Variants in TPH2 observed in about 807,000 individuals in gnomAD.
The protein encoded by TPH2 is tryptophan 5-hydroxylase 2.
Under a neutral mutation model 59.1 loss-of-function variants are expected in TPH2, and 27 were observed. The ratio of observed to expected loss-of-function variants is 0.46; its 90% CI spans 0.34 to 0.63. The LOEUF is 0.63. Ranked by LOEUF, TPH2 falls within the 30% of genes least tolerant of loss-of-function variation. The pLI is 0.01. For synonymous variants in TPH2, 220 were observed against 210.5 expected, an observed-to-expected ratio of 1.05 and a Z score of -0.39; for missense variants, 523 against 588.3, an observed-to-expected ratio of 0.89 and a Z score of 1.15.
chr12:72,021,395 G>A (rs371490197), intron 8 of TPH2, among the ~76,000 whole-genome samples: 7 of 120,366 alleles, frequency 5.8e-5, no homozygotes, highest in Admixed American at 2.5e-4. Flanking sequence ...GTGTGTGTGT[G>A]TATGTGTGTA....
chr12:72,028,944 T>C (rs1873643730), intron 9 of TPH2, among the ~76,000 whole-genome samples: 1 of 152,242 alleles, frequency 6.6e-6, no homozygotes, highest in African/African-American at 2.4e-5. Context: ...GAGTGCCGTA[T>C]GCTCTGGGCC....
intron 7 of TPH2, among the ~76,000 whole-genome samples, chr12:71,993,976 A>G (rs1055254630): frequency 1.3e-5 from 2 of 152,202 alleles, no homozygotes; most frequent in African/African-American, 2.4e-5. Context: ...GCAGCCACAG[A>G]TAATACACAA....
chr12:71,991,085 G>A (rs1450002741), intron 7 of TPH2, among the ~76,000 whole-genome samples: 1 of 152,170 alleles, frequency 6.6e-6, no homozygotes, highest in Non-Finnish European at 1.5e-5. Context: ...AAGTTGGCTA[G>A]TGAGTTACAG....
chr12:71,941,348 C>A (rs1871058741), intron 1 of TPH2, among the ~76,000 whole-genome samples: 1 of 151,938 alleles, frequency 6.6e-6, no homozygotes, highest in Non-Finnish European at 1.5e-5. Context: ...AAATCTGATC[C>A]CCTTTTAATT....
At chr12:71,951,097 C>A (rs1871332840) in intron 5 of TPH2, among the ~76,000 whole-genome samples, 1 of 152,286 alleles carries the variant, frequency 6.6e-6, no homozygotes, top group East Asian at 1.9e-4. Flanking sequence ...CCACACCTTG[C>A]AATGTCAGCA....
chr12:72,017,727 A>G (rs984834387), intron 8 of TPH2, among the ~76,000 whole-genome samples: 1 of 152,220 alleles, frequency 6.6e-6, no homozygotes, highest in Non-Finnish European at 1.5e-5. Flanking sequence ...GGAATATATT[A>G]TAGATCCACA....
chr12:71,981,234 TG>T (rs1872268532), intron 7 of TPH2, among the ~76,000 whole-genome samples: 2 of 152,336 alleles, frequency 1.3e-5, no homozygotes, highest in Non-Finnish European at 2.9e-5. Context: ...GTGCAAGGCT[TG>T]TTAGACCAGA....
intron 8 of TPH2, among the ~76,000 whole-genome samples, chr12:71,996,026 T>C (rs1301191174): frequency 3.3e-5 from 5 of 152,258 alleles, no homozygotes; most frequent in Non-Finnish European, 5.9e-5. Flanking sequence ...TATTATATCA[T>C]AATTTCTATG....
intron 5 of TPH2, among the ~76,000 whole-genome samples, chr12:71,969,958 T>TA (rs560647991): frequency 2.0e-5 from 3 of 152,176 alleles, no homozygotes; most frequent in Non-Finnish European, 4.4e-5. Context: ...CCAATTCATA[T>TA]AAAAACACTT....
Position 72,030,721 on chromosome 12 carries a change from A to T in TPH2, c.1165-537A>T, listed in dbSNP as rs552759660. On this transcript the variant is annotated intron_variant, in intron 9 of 10. Coordinates refer to ENST00000333850, the MANE Select transcript of TPH2 (RefSeq NM_173353.4). ...AAATGAATGCTTTTTAAGTATCCTC[A>T]AATATACAGGCCCACTCCAGACTCT... Among the ~76,000 whole-genome samples the T allele has an allele frequency of 3.8e-4, 58 of 152,236 alleles. 1 individual carries two copies. Among genetic ancestry groups the T allele is most frequent in the African/African-American group, 1.2e-3 (51 of 41,556 alleles).
intron 8 of TPH2, among the ~76,000 whole-genome samples, chr12:72,007,858 G>T (rs955016718): frequency 6.6e-6 from 1 of 151,932 alleles, no homozygotes; most frequent in Non-Finnish European, 1.5e-5. Flanking sequence ...ATTGGATTTT[G>T]CTTCTTTGGA....
Position 71,944,580 on chromosome 12 carries a change from C to T in TPH2, c.440-6C>T. The T allele has an allele frequency of 6.2e-7, 1 of 1,613,722 alleles. No individual in the cohort carries two copies. Among genetic ancestry groups the T allele is most frequent in the Non-Finnish European group, 8.5e-7 (1 of 1,179,680 alleles). On this transcript the variant is annotated splice_polypyrimidine_tract_variant and splice_region_variant and intron_variant, in intron 3 of 10. Coordinates refer to ENST00000333850, the MANE Select transcript of TPH2 (RefSeq NM_173353.4). ...AATATTTTTGAACCTGCACTGTTTT[C>T]AACAGAGCTAGAGGATGTGCCCTGG...
intron 5 of TPH2, among the ~76,000 whole-genome samples, chr12:71,959,011 A>G (rs918737358): frequency 1.3e-5 from 2 of 151,100 alleles, no homozygotes; most frequent in Non-Finnish European, 2.9e-5. Context: ...CTCCTTTTAC[A>G]TGGAGTGGTG....
At chr12:72,015,475 A>G (rs893436913) in intron 8 of TPH2, among the ~76,000 whole-genome samples, 2 of 151,730 alleles carry the variant, frequency 1.3e-5, no homozygotes, top group Non-Finnish European at 2.9e-5. Context: ...GCCCACCACC[A>G]CGCCCAGCTA....
intron 9 of TPH2, 117 bp downstream of exon 9, chr12:72,022,611 A>T: frequency 1.1e-6 from 1 of 902,102 alleles, no homozygotes; most frequent in Admixed American, 1.9e-5. Context: ...TATTTAACAT[A>T]GAGGATTTGG....
At chr12:72,023,369 A>G (rs1265820802) in intron 9 of TPH2, among the ~76,000 whole-genome samples, 1 of 152,192 alleles carries the variant, frequency 6.6e-6, no homozygotes, top group Non-Finnish European at 1.5e-5. Context: ...CTTTTTGGCC[A>G]TTTGCATTAT....
At chr12:71,965,060 A>G (rs1277126142) in intron 5 of TPH2, 2 of 152,184 alleles carry the variant, frequency 1.3e-5, no homozygotes, top group Non-Finnish European at 2.9e-5. Flanking sequence ...TTCCTTCATT[A>G]GTTTGCTAAG....
chr12:72,005,230 T>A (rs985360157), intron 8 of TPH2, among the ~76,000 whole-genome samples: 3 of 152,080 alleles, frequency 2.0e-5, no homozygotes, highest in African/African-American at 7.2e-5. Context: ...CTCATCATTT[T>A]TTTCAGGATC....
In TPH2 at chr12:71,972,584, G is replaced by A. The variant is rs139896303; in HGVS notation, c.674G>A (p.Arg225Gln). The change falls in exon 6 of 11, where the codon CGG (arginine) becomes CAG (glutamine). Residue 225 changes from arginine to glutamine, a missense_variant. By Grantham distance (43) the Arg-to-Gln change is conservative. Coordinates refer to ENST00000333850, the MANE Select transcript of TPH2 (RefSeq NM_173353.4). The part of the protein sequence containing the change: ...EETKTWGVVF[R>Q]ELSKLYPTHA... ...ACTAAAACTTGGGGTGTTGTATTCCGGGAGCTCTCCAAACTCTATCCCACT... is the reference window on the plus strand; with the variant it reads ...ACTAAAACTTGGGGTGTTGTATTCCAGGAGCTCTCCAAACTCTATCCCACT... The A allele has an allele frequency of 4.2e-5, 67 of 1,614,076 alleles. No individual in the cohort carries two copies. The East Asian group carries it at 8.9e-4, about 21-fold the overall frequency.
Sources: gnomAD v4.1 joint callset for allele counts (sites outside exome capture counted in the v4.1 genomes callset) on GRCh38, gnomAD v4.1.1 for gene constraint, MANE v1.5 for transcripts, NCBI Gene and HGNC (gene_info 2026-07-23, HGNC 2026-07-21) for gene names.